The following MAGI1 variants were observed in gnomAD, a reference collection of about 807,000 sequenced individuals.
The protein encoded by MAGI1 is membrane-associated guanylate kinase, WW and PDZ domain-containing protein 1.
In MAGI1, 58 loss-of-function variants were observed where a neutral mutation model predicts 139.9. The observed-to-expected ratio is 0.41, with a 90% confidence interval of 0.34 to 0.52. The LOEUF is 0.52. Ranked by LOEUF, MAGI1 falls within the 20% of genes least tolerant of loss-of-function variation. MAGI1 has a pLI of 0.12. For synonymous variants in MAGI1, 812 were observed against 737.9 expected (o/e 1.10, Z -1.63); for missense variants, 1,874 against 1,901.6 (o/e 0.99, Z 0.27).
intron 18 of MAGI1, among the ~76,000 whole-genome samples, chr3:65,372,635 A>G (rs1942114743): frequency 6.6e-6 from 1 of 152,208 alleles, no homozygotes; most frequent in Admixed American, 6.5e-5. Context: ...TCTTCTTTCA[A>G]TAGAAGACTG....
intron 1 of MAGI1, among the ~76,000 whole-genome samples, chr3:65,828,434 A>G (rs549192950): frequency 6.6e-5 from 10 of 152,282 alleles, no homozygotes; most frequent in African/African-American, 2.2e-4. Flanking sequence ...CCAGGGTAGT[A>G]TATCTCACAT....
chr3:65,817,194 T>C (rs2041659985), intron 1 of MAGI1, among the ~76,000 whole-genome samples: 1 of 152,224 alleles, frequency 6.6e-6, no homozygotes, highest in Admixed American at 6.5e-5. Context: ...ATTCTGAAGA[T>C]GTGCATATTC....
chr3:65,453,169 C>A, intron 6 of MAGI1, 89 bp downstream of exon 6: 2 of 1,119,118 alleles, frequency 1.8e-6, no homozygotes, highest in Non-Finnish European at 2.7e-6. Context: ...CAACATAAGA[C>A]CCGACTGACC....
intron 1 of MAGI1, among the ~76,000 whole-genome samples, chr3:65,736,381 C>CAT (rs1342842328): frequency 1.3e-5 from 2 of 152,080 alleles, no homozygotes; most frequent in Non-Finnish European, 2.9e-5. Flanking sequence ...ACCAATAGGA[C>CAT]ATATATATAC....
At chr3:65,388,977 G>A (rs1943676445) in intron 14 of MAGI1, among the ~76,000 whole-genome samples, 1 of 151,018 alleles carries the variant, frequency 6.6e-6, no homozygotes, top group Non-Finnish European at 1.5e-5. Flanking sequence ...CCGAGTAGCT[G>A]GGACTACAGG....
chr3:65,835,805 C>T (rs1442906972), intron 1 of MAGI1, among the ~76,000 whole-genome samples: 3 of 152,044 alleles, frequency 2.0e-5, no homozygotes, highest in Non-Finnish European at 4.4e-5. Context: ...ATTTTAGCAC[C>T]CTCTGCACCA....
chr3:65,959,413 CTA>C (rs2064296877), intron 1 of MAGI1, among the ~76,000 whole-genome samples: 2 of 152,058 alleles, frequency 1.3e-5, no homozygotes, highest in South Asian at 2.1e-4. Context: ...GGGCAAGGCA[CTA>C]TGTCTGTGCA....
chr3:65,736,149 C>CA, intron 1 of MAGI1, among the ~76,000 whole-genome samples: 1 of 152,300 alleles, frequency 6.6e-6, no homozygotes, highest in Middle Eastern at 3.4e-3. Flanking sequence ...TACCATCATT[C>CA]AATTCTCTTA....
chr3:65,404,372 T>C (rs1264095659), intron 12 of MAGI1, among the ~76,000 whole-genome samples: 2 of 152,146 alleles, frequency 1.3e-5, no homozygotes, highest in Non-Finnish European at 2.9e-5. Context: ...AGATCCCAGC[T>C]CAACTGACAC....
intron 2 of MAGI1, among the ~76,000 whole-genome samples, chr3:65,528,138 G>GA (rs1462608189): frequency 2.0e-5 from 3 of 151,950 alleles, no homozygotes; most frequent in African/African-American, 7.3e-5. Flanking sequence ...TTTACATCAA[G>GA]AAAAAAACTG....
At chr3:65,985,765 G>C (rs73125710) in intron 1 of MAGI1, among the ~76,000 whole-genome samples, 11,426 of 152,286 alleles carry the variant, frequency 0.075, 597 homozygotes, top group South Asian at 0.12. Context: ...TCAGTAGTCA[G>C]TTGGGATAGA....
At chr3:65,791,036 C>T (rs2039730271) in intron 1 of MAGI1, among the ~76,000 whole-genome samples, 1 of 152,128 alleles carries the variant, frequency 6.6e-6, no homozygotes, top group Non-Finnish European at 1.5e-5. Flanking sequence ...GGTCGCATCA[C>T]TGCACTCCAG....
At chr3:65,445,178 T>C (rs1223015733) in intron 7 of MAGI1, among the ~76,000 whole-genome samples, 1 of 152,176 alleles carries the variant, frequency 6.6e-6, no homozygotes, top group Non-Finnish European at 1.5e-5. Context: ...TGCCCAGATA[T>C]AAGATTGAGC....
intron 1 of MAGI1, among the ~76,000 whole-genome samples, chr3:65,678,452 C>T (rs780541231): frequency 2.6e-5 from 4 of 152,046 alleles, no homozygotes; most frequent in Non-Finnish European, 4.4e-5. Context: ...TTAAATCAAG[C>T]TTTGTTGCTA....
At chr3:65,780,315 C>T (rs932657247) in intron 1 of MAGI1, among the ~76,000 whole-genome samples, 1 of 152,202 alleles carries the variant, frequency 6.6e-6, no homozygotes, top group South Asian at 2.1e-4. Context: ...TGACACATCA[C>T]GCCCAGCCTA....
intron 5 of MAGI1, among the ~76,000 whole-genome samples, chr3:65,454,221 GC>G (rs1949230126): frequency 1.3e-5 from 2 of 152,238 alleles, no homozygotes; most frequent in South Asian, 4.1e-4. Flanking sequence ...AGTAGTTCTG[GC>G]TACAAACTAG....
chr3:65,994,273 C>CGGG (rs2066326543), intron 1 of MAGI1, among the ~76,000 whole-genome samples: 1 of 109,412 alleles, frequency 9.1e-6, no homozygotes, highest in Non-Finnish European at 1.8e-5. Flanking sequence ...GACTCCATCT[C>CGGG]AAAAAAAAAA....
chr3:65,706,051 T>C (rs1273823026), intron 1 of MAGI1, among the ~76,000 whole-genome samples: 1 of 152,242 alleles, frequency 6.6e-6, no homozygotes, highest in African/African-American at 2.4e-5. Flanking sequence ...TTTCAGCATT[T>C]TCTATTCAAC....
At chr3:65,397,032 A>G (rs996663453) in intron 13 of MAGI1, among the ~76,000 whole-genome samples, 3 of 152,216 alleles carry the variant, frequency 2.0e-5, no homozygotes, top group African/African-American at 7.2e-5. Flanking sequence ...CAAAAGGCAG[A>G]GAAGGGGAGT....
Sources: allele counts gnomAD v4.1 joint callset (sites outside exome capture counted in the v4.1 genomes callset), GRCh38; gene constraint gnomAD v4.1.1; transcripts MANE v1.5; gene names NCBI Gene and HGNC (gene_info 2026-07-23, HGNC 2026-07-21).